The following INVS variants were observed in gnomAD, a reference collection of about 807,000 sequenced individuals.
INVS encodes inversin.
Under a neutral mutation model 108.8 loss-of-function variants are expected in INVS, and 86 were observed. That is an observed-to-expected ratio of 0.79 (90% CI 0.66 to 0.95). The LOEUF is 0.95. Among genes scored for constraint, INVS ranks in the 40% least tolerant of loss-of-function variants. The pLI is 0.00. For synonymous variants in INVS, 455 were observed against 473.5 expected, an observed-to-expected ratio of 0.96 and a Z score of 0.51; for missense variants, 1,169 against 1,297.4, an observed-to-expected ratio of 0.90 and a Z score of 1.52.
chr9:100,268,515 T>C (rs1832859546), intron 11 of INVS, among the ~76,000 whole-genome samples: 2 of 152,150 alleles, frequency 1.3e-5, no homozygotes, highest in Non-Finnish European at 2.9e-5. Context: ...TCACTCAAGA[T>C]GGAGTCCTCT....
intron 2 of INVS, among the ~76,000 whole-genome samples, chr9:100,113,501 C>T (rs1306631311): frequency 6.6e-6 from 1 of 152,186 alleles, no homozygotes; most frequent in Non-Finnish European, 1.5e-5. Flanking sequence ...GTATTGCAAA[C>T]TAAAACAGTA....
chr9:100,119,435 T>C (rs188576187), intron 2 of INVS, among the ~76,000 whole-genome samples: 64 of 152,368 alleles, frequency 4.2e-4, no homozygotes, highest in African/African-American at 1.4e-3. Flanking sequence ...TTTCTGTATG[T>C]CAGGAATCTA....
chr9:100,289,132 C>A (rs970169493), intron 13 of INVS, among the ~76,000 whole-genome samples: 2 of 152,194 alleles, frequency 1.3e-5, no homozygotes, highest in Non-Finnish European at 2.9e-5. Context: ...AAGCAGTTGA[C>A]ATTTTGTTCT....
intron 2 of INVS, chr9:100,117,330 G>A: frequency 1.4e-6 from 1 of 733,410 alleles, no homozygotes; most frequent in South Asian, 1.4e-5. Flanking sequence ...TCGTCCTTGA[G>A]AGAGGCCCCC....
chr9:100,162,803 G>A (rs781114904), intron 3 of INVS, among the ~76,000 whole-genome samples: 5 of 151,282 alleles, frequency 3.3e-5, no homozygotes, highest in Non-Finnish European at 7.4e-5. Flanking sequence ...CTCCAGCCTG[G>A]GTGACAGAGC....
chr9:100,168,448 A>C (rs1829434882), intron 3 of INVS, among the ~76,000 whole-genome samples: 2 of 152,162 alleles, frequency 1.3e-5, no homozygotes, highest in Non-Finnish European at 2.9e-5. Flanking sequence ...AGGGCAGATA[A>C]AGTGCTGTCT....
intron 8 of INVS, 148 bp from the exon 9 acceptor site, chr9:100,252,135 A>C: frequency 1.1e-6 from 1 of 923,154 alleles, no homozygotes; most frequent in Non-Finnish European, 1.7e-6. Context: ...AGAATCTAAA[A>C]AAGCAAAAAA....
At chr9:100,272,584 G>A (rs781012196) in intron 11 of INVS, among the ~76,000 whole-genome samples, 1 of 152,184 alleles carries the variant, frequency 6.6e-6, no homozygotes, top group Non-Finnish European at 1.5e-5. Flanking sequence ...AAGTGATCAT[G>A]TCTTTCCAAT....
chr9:100,211,096 C>T (rs182150132), intron 3 of INVS, among the ~76,000 whole-genome samples: 302 of 152,004 alleles, frequency 2.0e-3, no homozygotes, highest in African/African-American at 7.0e-3. Flanking sequence ...TTCAAGCCCT[C>T]CAGACGATCT....
chr9:100,254,751 G>C (rs1342426830), intron 10 of INVS, among the ~76,000 whole-genome samples: 1 of 151,988 alleles, frequency 6.6e-6, no homozygotes, highest in Non-Finnish European at 1.5e-5. Context: ...ATTTCTGAGG[G>C]CTCTGTTCTG....
At chr9:100,196,718 A>G (rs891132805) in intron 3 of INVS, among the ~76,000 whole-genome samples, 17 of 148,340 alleles carry the variant, frequency 1.1e-4, no homozygotes, top group African/African-American at 3.9e-4. Flanking sequence ...ATATAAATAT[A>G]TTATTTATAA....
At chr9:100,274,145 G>C (rs753340424) in intron 12 of INVS, among the ~76,000 whole-genome samples, 7 of 151,964 alleles carry the variant, frequency 4.6e-5, no homozygotes, top group Non-Finnish European at 8.8e-5. Flanking sequence ...ATCACTTGAG[G>C]TCAGGAGTTC....
intron 3 of INVS, among the ~76,000 whole-genome samples, chr9:100,188,284 C>T (rs1830114724): frequency 1.3e-5 from 2 of 152,114 alleles, no homozygotes; most frequent in Admixed American, 6.6e-5. Context: ...TTCTAATTTT[C>T]CCCATTCATT....
chr9:100,274,758 G>T (rs537890126), intron 12 of INVS, among the ~76,000 whole-genome samples: 9 of 152,222 alleles, frequency 5.9e-5, no homozygotes, highest in Non-Finnish European at 1.0e-4. Context: ...GCCCACCTTG[G>T]CGTCCCAAAA....
chr9:100,140,272 GAA>G (rs1828380685), intron 3 of INVS, among the ~76,000 whole-genome samples: 1 of 152,186 alleles, frequency 6.6e-6, no homozygotes, highest in Non-Finnish European at 1.5e-5. Context: ...GGCTGAGTCT[GAA>G]AAGAGTCAGT....
Position 100,228,530 on chromosome 9 carries a change from C to G in INVS, c.448-1130C>G, listed in dbSNP as rs138094240. Among the ~76,000 whole-genome samples, 816 of 152,184 alleles carry G rather than the reference C, an allele frequency of 5.4e-3. 9 individuals are homozygous for G. The highest frequency in any genetic ancestry group is 0.019 in the African/African-American group (769 of 41,518). On this transcript the variant is annotated intron_variant, in intron 4 of 16. Coordinates refer to ENST00000262457, the MANE Select transcript of INVS (RefSeq NM_014425.5). Reference sequence around the variant, plus strand: ...AACATCCTGTCAAGTTCTTAAGGTCCTTGGTGATAACCAGATGTGCATTAT... The same window carrying G: ...AACATCCTGTCAAGTTCTTAAGGTCGTTGGTGATAACCAGATGTGCATTAT...
Position 100,300,625 on chromosome 9 carries a change from C to T in INVS, c.3149C>T (p.Ser1050Phe), listed in dbSNP as rs969660773. 3.1e-6 allele frequency: 5 copies of T among 1,613,898 alleles called. No homozygotes were observed. In the African/African-American group the frequency reaches 4.0e-5, roughly 13 times the overall value. The change falls in exon 17 of 17, where the codon TCT becomes TTT. Residue 1050 changes from serine to phenylalanine, a missense_variant. Ser to Phe is a radical substitution (Grantham distance 155, BLOSUM62 -2). Coordinates refer to ENST00000262457, the MANE Select transcript of INVS (RefSeq NM_014425.5). Reference sequence around the variant, plus strand: ...AACAGTGGAAGATCAAAGAACTTTTCTTATAACCTGCAATCAGCTACTCAG... The same window carrying T: ...AACAGTGGAAGATCAAAGAACTTTTTTTATAACCTGCAATCAGCTACTCAG... ...LENSGRSKNF[S>F]YNLQSATQPK...
intron 3 of INVS, among the ~76,000 whole-genome samples, chr9:100,199,908 C>A (rs1387958213): frequency 6.6e-6 from 1 of 152,134 alleles, no homozygotes; most frequent in Non-Finnish European, 1.5e-5. Flanking sequence ...ATTCTCTCTT[C>A]TTCTGTGACA....
At chr9:100,217,375 C>G (rs531763848) in intron 3 of INVS, among the ~76,000 whole-genome samples, 1 of 152,278 alleles carries the variant, frequency 6.6e-6, no homozygotes, top group African/African-American at 2.4e-5. Flanking sequence ...CTTTTACTGT[C>G]TTGTCAGTTC....
Sources: gnomAD v4.1 joint callset for allele counts (sites outside exome capture counted in the v4.1 genomes callset) on GRCh38, gnomAD v4.1.1 for gene constraint, MANE v1.5 for transcripts, NCBI Gene and HGNC (gene_info 2026-07-23, HGNC 2026-07-21) for gene names.